The following GRIN2A variants were observed in gnomAD, a reference collection of about 807,000 sequenced individuals.
The protein encoded by GRIN2A is glutamate ionotropic receptor NMDA type subunit 2A.
Under a neutral mutation model 113.4 loss-of-function variants are expected in GRIN2A, and 22 were observed. That is an observed-to-expected ratio of 0.19 (90% confidence interval 0.14 to 0.28). The LOEUF (loss-of-function observed/expected upper bound fraction) is 0.28. Among genes scored for constraint, GRIN2A ranks in the 10% least tolerant of loss-of-function variants. GRIN2A has a pLI of 1.00. For synonymous variants in GRIN2A, 827 were observed against 738.4 expected, an observed-to-expected ratio of 1.12 and a Z score of -1.94; for missense variants, 1,502 against 1,887.0, an observed-to-expected ratio of 0.80 and a Z score of 3.78.
At chr16:9,855,042 T>C (rs2141381665) in intron 4 of GRIN2A, among the ~76,000 whole-genome samples, 1 of 152,038 alleles carries the variant, frequency 6.6e-6, no homozygotes, top group East Asian at 1.9e-4. Context: ...TACATGTACA[T>C]GTATATGCAC....
chr16:9,967,395 C>T (rs532691217), intron 2 of GRIN2A, among the ~76,000 whole-genome samples: 203 of 152,164 alleles, frequency 1.3e-3, no homozygotes, highest in African/African-American at 4.5e-3. Flanking sequence ...TAAGCTATGA[C>T]GATGCAAAGG....
chr16:9,790,897 G>T (rs1031581968), intron 11 of GRIN2A, among the ~76,000 whole-genome samples: 2 of 152,176 alleles, frequency 1.3e-5, no homozygotes, highest in African/African-American at 4.8e-5. Flanking sequence ...AACAGGGGTG[G>T]ACATGGATAG....
At chr16:9,913,482 GTTTC>G (rs1567172346) in intron 3 of GRIN2A, among the ~76,000 whole-genome samples, 1 of 152,110 alleles carries the variant, frequency 6.6e-6, no homozygotes, top group Non-Finnish European at 1.5e-5. Flanking sequence ...ATTGAAACAA[GTTTC>G]TTTATGTTTC....
Position 9,755,316 on chromosome 16 carries a change from C to T in GRIN2A, c.*7833G>A, listed in dbSNP as rs1488292248. ...AGAGAAGAAATGCTATTGGTCAAAT[C>T]GTTCTTTGGAGTGCTCCATTTCTGC... is the stretch of plus-strand genomic sequence containing the variant. On this transcript the variant is annotated 3_prime_UTR_variant, in exon 13 of 13. Transcript: ENST00000330684. 1.1e-5 allele frequency: 2 copies of T among 186,456 alleles called. No individual in the cohort carries two copies. Among genetic ancestry groups the T allele is most frequent in the Admixed American group, 6.2e-5 (1 of 16,116 alleles). The allele number at this position is 186,456 out of a possible 1,614,324, so 11.6% of individuals were successfully genotyped here. A position where few individuals can be genotyped will look rare whatever the true frequency, so the allele number is the denominator to read the frequency against.
chr16:10,134,663 T>C (rs1204595772), intron 2 of GRIN2A, among the ~76,000 whole-genome samples: 1 of 152,108 alleles, frequency 6.6e-6, no homozygotes, highest in Non-Finnish European at 1.5e-5. Context: ...GTAATGGCCT[T>C]CCTTCATTTT....
chr16:10,028,093 A>C (rs1178273820), intron 2 of GRIN2A, among the ~76,000 whole-genome samples: 2 of 152,222 alleles, frequency 1.3e-5, no homozygotes, highest in Admixed American at 1.3e-4. Context: ...ATCCTTGATC[A>C]GTGACACATG....
chr16:10,107,334 A>G (rs1375077), intron 2 of GRIN2A, among the ~76,000 whole-genome samples: 10,041 of 152,210 alleles, frequency 0.066, 734 homozygotes, highest in African/African-American at 0.18. Flanking sequence ...AGGAAACCAC[A>G]AGGCATAAAC....
intron 2 of GRIN2A, among the ~76,000 whole-genome samples, chr16:10,002,816 T>C (rs995348078): frequency 2.0e-5 from 3 of 152,206 alleles, no homozygotes; most frequent in Non-Finnish European, 4.4e-5. Context: ...TGGTAAACCA[T>C]GCACATTTAA....
rs1455931682 is a variant in GRIN2A, at chr16:9,819,173, TTC to T, written c.2168+3089_2168+3090del. On this transcript the variant is annotated intron_variant, in intron 10 of 12. Transcript: ENST00000330684. ...GCAGGGAAAACTTTTCACTGTTTTT[TTC>T]TTTTTATGTACTTTTTTATTTTTGA... Among the ~76,000 whole-genome samples the T allele has an allele frequency of 1.8e-4, 28 of 152,328 alleles. No homozygotes were observed. The South Asian group carries it at 2.3e-3, about 12-fold the overall frequency.
intron 2 of GRIN2A, among the ~76,000 whole-genome samples, chr16:9,977,777 G>A (rs769587723): frequency 5.3e-5 from 8 of 151,966 alleles, no homozygotes; most frequent in Non-Finnish European, 1.0e-4. Flanking sequence ...ACTTCAATTC[G>A]GTCGGCTTTT....
chr16:9,957,480 C>T (rs985405441), intron 2 of GRIN2A, among the ~76,000 whole-genome samples: 4 of 152,184 alleles, frequency 2.6e-5, no homozygotes, highest in African/African-American at 4.8e-5. Flanking sequence ...CATGCCTTCC[C>T]ATGTGAAACC....
chr16:10,092,464 T>C (rs1202972203), intron 2 of GRIN2A, among the ~76,000 whole-genome samples: 1 of 152,170 alleles, frequency 6.6e-6, no homozygotes, highest in African/African-American at 2.4e-5. Flanking sequence ...GATCAGGGTG[T>C]CTTCAAGAGT....
intron 2 of GRIN2A, among the ~76,000 whole-genome samples, chr16:10,172,239 G>A (rs2050056043): frequency 6.6e-6 from 1 of 152,244 alleles, no homozygotes; most frequent in Non-Finnish European, 1.5e-5. Flanking sequence ...TCATTCTTCA[G>A]ACTCTTTGTC....
At chr16:9,811,715 C>T (rs547902278) in intron 10 of GRIN2A, among the ~76,000 whole-genome samples, 2 of 152,268 alleles carry the variant, frequency 1.3e-5, no homozygotes, top group East Asian at 1.9e-4. Context: ...GCCAAGATCT[C>T]GTGACTGCAC....
intron 5 of GRIN2A, 33 bp from the exon 6 acceptor site, chr16:9,841,137 T>A (rs1373876084): frequency 1.3e-6 from 2 of 1,558,220 alleles, no homozygotes. Flanking sequence ...CACAGAATGT[T>A]AGCACTGGAA....
intron 2 of GRIN2A, among the ~76,000 whole-genome samples, chr16:9,982,626 CTTA>C (rs1486279742): frequency 6.6e-6 from 1 of 152,176 alleles, no homozygotes; most frequent in Non-Finnish European, 1.5e-5. Context: ...TTTAAAATAT[CTTA>C]TTATTACAAA....
At chr16:9,961,208 G>A (rs908929822) in intron 2 of GRIN2A, among the ~76,000 whole-genome samples, 13 of 152,168 alleles carry the variant, frequency 8.5e-5, no homozygotes, top group Non-Finnish European at 8.8e-5. Context: ...TGAAGCTGTG[G>A]TCCCGGAGGA....
intron 3 of GRIN2A, among the ~76,000 whole-genome samples, chr16:9,936,021 T>C (rs1303309038): frequency 6.6e-6 from 1 of 152,196 alleles, no homozygotes; most frequent in South Asian, 2.1e-4. Flanking sequence ...TAATTTCTGA[T>C]GACCAAAAAC....
At chr16:10,094,377 T>C (rs2048243854) in intron 2 of GRIN2A, among the ~76,000 whole-genome samples, 1 of 152,190 alleles carries the variant, frequency 6.6e-6, no homozygotes, top group African/African-American at 2.4e-5. Flanking sequence ...ATCTATAGAA[T>C]GTGGGTATAC....
Sources: allele counts gnomAD v4.1 joint callset (sites outside exome capture counted in the v4.1 genomes callset), GRCh38; gene constraint gnomAD v4.1.1; transcripts MANE v1.5; gene names NCBI Gene and HGNC (gene_info 2026-07-23, HGNC 2026-07-21).